Variants in CDH3 observed in about 807,000 individuals in gnomAD.
The protein encoded by CDH3 is cadherin 3.
In CDH3, 54 loss-of-function variants were observed where a neutral mutation model predicts 82.0. The observed-to-expected ratio is 0.66, with a 90% confidence interval of 0.53 to 0.83. CDH3 has a LOEUF of 0.83. Among genes scored for constraint, CDH3 ranks in the 40% least tolerant of loss-of-function variants. The pLI is 0.00. For missense variants in CDH3, 1,054 were observed against 1,084.6 expected (o/e 0.97, Z 0.40); for synonymous variants, 446 against 437.9 (o/e 1.02, Z -0.23).
At chr16:68,695,232 C>A in intron 13 of CDH3, 23 bp from the exon 14 acceptor site, 2 of 1,614,006 alleles carry the variant, frequency 1.2e-6, no homozygotes, top group Non-Finnish European at 1.7e-6. Context: ...AGAGGGAGCA[C>A]TCACACTCCC....
At chr16:68,732,620 G>A in the CDH3 span, among the ~76,000 whole-genome samples, 3 of 152,194 alleles carry the variant, frequency 2.0e-5, no homozygotes, top group African/African-American at 4.8e-5. Context: ...CACTGTTAGC[G>A]CTGGATCTCA....
At chr16:68,721,614 C>A (rs200412554) in intron 1 of CDH3, among the ~76,000 whole-genome samples, 1 of 152,160 alleles carries the variant, frequency 6.6e-6, no homozygotes, top group Non-Finnish European at 1.5e-5. Flanking sequence ...CTTCCCTGCT[C>A]TTGGGTCTAA....
chr16:68,651,508 G>T, intron 2 of CDH3: 2 of 495,384 alleles, frequency 4.0e-6, no homozygotes, highest in South Asian at 1.6e-5. Flanking sequence ...TTTTGCTCCT[G>T]CTTCTTTGAG....
At chr16:68,700,668 C>T (rs192242827), downstream of CDH3, among the ~76,000 whole-genome samples, 36 of 152,324 alleles carry the variant, frequency 2.4e-4, no homozygotes, top group African/African-American at 8.2e-4. Context: ...CGTGAGCCAC[C>T]GTGCCCGGCC....
intron 2 of CDH3, among the ~76,000 whole-genome samples, chr16:68,670,102 T>TAGTC (rs1196400121): frequency 1.3e-5 from 2 of 151,602 alleles, no homozygotes; most frequent in African/African-American, 4.9e-5. Flanking sequence ...CGGGCGCCTG[T>TAGTC]AGTCCCAGCT....
chr16:68,663,878 C>T (rs1414807019), intron 2 of CDH3, among the ~76,000 whole-genome samples: 1 of 151,790 alleles, frequency 6.6e-6, no homozygotes, highest in Non-Finnish European at 1.5e-5. Context: ...AGGTTAGTTA[C>T]ATATGTATAC....
chr16:68,682,008 A>C (rs1405934528), intron 8 of CDH3, among the ~76,000 whole-genome samples: 1 of 152,084 alleles, frequency 6.6e-6, no homozygotes, highest in Non-Finnish European at 1.5e-5. Flanking sequence ...AGCTGGATAG[A>C]TAGCTACACG....
intron 12 of CDH3, among the ~76,000 whole-genome samples, chr16:68,688,366 G>A (rs893188573): frequency 6.6e-6 from 1 of 151,930 alleles, no homozygotes; most frequent in African/African-American, 2.4e-5. Context: ...GAGGCGGGCG[G>A]GTCACCAGGT....
chr16:68,703,560 CCCCCAGCAGAGTACA>C (rs1449076754), downstream of CDH3, among the ~76,000 whole-genome samples: 7 of 152,208 alleles, frequency 4.6e-5, no homozygotes, highest in African/African-American at 1.7e-4. Flanking sequence ...TAAAACAATC[CCCCCAGCAGAGTACA>C]AGTTCAAATC....
intron 8 of CDH3, 26 bp from the exon 9 acceptor site, chr16:68,682,276 T>A: frequency 6.2e-7 from 1 of 1,608,436 alleles, no homozygotes; most frequent in Non-Finnish European, 8.5e-7. Context: ...TCTGCTCTGA[T>A]AGTGCTGTGC....
intron 2 of CDH3, among the ~76,000 whole-genome samples, chr16:68,673,473 CTT>C (rs35264410): frequency 4.8e-5 from 7 of 146,628 alleles, no homozygotes; most frequent in Admixed American, 1.4e-4. Context: ...TGGTCAATTC[CTT>C]TTTTTTTTTT....
chr16:68,668,791 C>T (rs1196436404), intron 2 of CDH3, among the ~76,000 whole-genome samples: 1 of 152,182 alleles, frequency 6.6e-6, no homozygotes, highest in Non-Finnish European at 1.5e-5. Flanking sequence ...CGATGGTATA[C>T]ATAGAAAGAG....
chr16:68,651,290 C>T lies in CDH3; in HGVS notation c.160+5540C>T, dbSNP rs115336670. On this transcript the variant is annotated intron_variant, in intron 2 of 15. Coordinates refer to ENST00000264012, the MANE Select transcript of CDH3 (RefSeq NM_001793.6). ...TAGATGTGCAGCTGGGTCCAGGGAGCCGTCATGCCCATGTGGCTGGCGCAC... is the reference window on the plus strand; with the variant it reads ...TAGATGTGCAGCTGGGTCCAGGGAGTCGTCATGCCCATGTGGCTGGCGCAC... 752 of 547,546 alleles carry T rather than the reference C, an allele frequency of 1.4e-3. 2 individuals are homozygous for T. The highest frequency in any genetic ancestry group is 0.013 in the African/African-American group (667 of 52,428). 33.9% of individuals were successfully genotyped at this position (547,546 alleles called of 1,614,324 possible). A position where few individuals can be genotyped will look rare whatever the true frequency, so the allele number is the denominator to read the frequency against.
intron 2 of CDH3, among the ~76,000 whole-genome samples, chr16:68,669,158 C>T (rs1450342641): frequency 6.6e-6 from 1 of 152,184 alleles, no homozygotes; most frequent in Non-Finnish European, 1.5e-5. Flanking sequence ...CCCTGGCAGC[C>T]TCTTGTTTCC....
At chr16:68,696,301 C>T in intron 15 of CDH3, 1 of 342,880 alleles carries the variant, frequency 2.9e-6, no homozygotes, top group Non-Finnish European at 5.7e-6. Context: ...CACCTGTAGT[C>T]CCAGCTACTC....
chr16:68,653,966 C>A (rs563667222), intron 2 of CDH3, among the ~76,000 whole-genome samples: 66 of 152,066 alleles, frequency 4.3e-4, no homozygotes, highest in African/African-American at 1.5e-3. Flanking sequence ...ATCCACCCAC[C>A]TCGGCCTCCC....
chr16:68,652,184 T>C (rs1455607160), intron 2 of CDH3, among the ~76,000 whole-genome samples: 1 of 152,144 alleles, frequency 6.6e-6, no homozygotes, highest in African/African-American at 2.4e-5. Context: ...TATCCATAAA[T>C]GTGGCTCCGA....
rs184569438 is a variant in CDH3, at chr16:68,648,478, G to A, written c.160+2728G>A. Among the ~76,000 whole-genome samples the A allele has an allele frequency of 5.2e-4, 77 of 149,266 alleles. No individual in the cohort carries two copies. In the Middle Eastern group the frequency reaches 0.014, roughly 27 times the overall value. ...TTTTTTTTTTTTGAGATAGGGTATC[G>A]CTCTGTCACCCAGCCCAGGCTAGAA... On this transcript the variant is annotated intron_variant, in intron 2 of 15. Transcript: ENST00000264012.
At chr16:68,680,929 T>G in intron 7 of CDH3, 39 bp from the exon 8 acceptor site, 1 of 1,613,178 alleles carries the variant, frequency 6.2e-7, no homozygotes, top group Non-Finnish European at 8.5e-7. Context: ...ACCCTTCAGA[T>G]TAAACTCACA....
Sources: gnomAD v4.1 joint callset for allele counts (sites outside exome capture counted in the v4.1 genomes callset) on GRCh38, gnomAD v4.1.1 for gene constraint, MANE v1.5 for transcripts, NCBI Gene and HGNC (gene_info 2026-07-23, HGNC 2026-07-21) for gene names.